Variants in DDX55 observed in about 807,000 individuals in gnomAD.
DDX55 encodes DEAD-box helicase 55, also known as ATP-dependent RNA helicase DDX55.
DDX55 carries 56 observed loss-of-function variants against 69.2 expected under a neutral mutation model. The ratio of observed to expected loss-of-function variants is 0.81; its 90% CI spans 0.65 to 1.01. The LOEUF (loss-of-function observed/expected upper bound fraction) is 1.01. Ranked by LOEUF, DDX55 falls within the 50% of genes least tolerant of loss-of-function variation. The pLI is 0.00. For missense variants in DDX55, 720 were observed against 745.1 expected (o/e 0.97, Z 0.39); for synonymous variants, 268 against 273.1 (o/e 0.98, Z 0.18).
chr12:123,619,679 A>G lies in DDX55; in HGVS notation c.1581A>G (p.Lys527=), dbSNP rs920107848. ...KNKAWSKQKA[K]KEKKKKMNEK... Reference sequence around the variant, plus strand: ...AAGCTTGGTCAAAGCAGAAGGCCAAAAAAGAAAAGAAGAAAAAAATGAATG... The same window carrying G: ...AAGCTTGGTCAAAGCAGAAGGCCAAGAAAGAAAAGAAGAAAAAAATGAATG... The change falls in exon 13 of 14, where the codon AAA becomes AAG. Residue 527 remains lysine, a synonymous_variant. Transcript: ENST00000238146. 25 of 1,580,986 alleles carry G rather than the reference A, an allele frequency of 1.6e-5. No homozygotes were observed. Among genetic ancestry groups the G allele is most frequent in the Non-Finnish European group, 2.0e-5 (23 of 1,172,256 alleles).
At position 123,610,084 on chromosome 12, in the gene DDX55, A is replaced by C. The variant is rs1162052354; in HGVS notation, c.697A>C (p.Ser233Arg). ...AGTGAAGGAGAAGGGCGTGGCAGCC[A>C]GCAGTGCCCAGAAGACCCCCTCCCG... Reference protein sequence around the residue: ...VSVKEKGVAASSAQKTPSRLE... With the variant: ...VSVKEKGVAARSAQKTPSRLE... The change falls in exon 7 of 14, where the codon AGC becomes CGC. Residue 233 changes from serine to arginine, a missense_variant. Coordinates refer to ENST00000238146, the MANE Select transcript of DDX55 (RefSeq NM_020936.3). 6.2e-7 allele frequency: 1 copy of C among 1,614,214 alleles called. No individual in the cohort carries two copies. Among genetic ancestry groups the C allele is most frequent in the Non-Finnish European group, 8.5e-7 (1 of 1,180,042 alleles).
chr12:123,614,221 T>C (rs1189211222), intron 8 of DDX55, among the ~76,000 whole-genome samples: 1 of 152,136 alleles, frequency 6.6e-6, no homozygotes, highest in African/African-American at 2.4e-5. Flanking sequence ...CCCACTAAAT[T>C]GATTTCAGAA....
At chr12:123,608,593 G>A (rs1409514395) in intron 5 of DDX55, 87 bp from the exon 6 acceptor site, 20 of 1,502,120 alleles carry the variant, frequency 1.3e-5, no homozygotes, top group Non-Finnish European at 1.8e-5. Context: ...ATGACTTTGG[G>A]GGGATATAAA....
chr12:123,609,949 A>G lies in DDX55; in HGVS notation c.562A>G (p.Ile188Val), dbSNP rs748267341. The G allele has an allele frequency of 1.2e-6, 2 of 1,613,606 alleles. No homozygotes were observed. The highest frequency in any genetic ancestry group is 1.7e-5 in the Admixed American group (1 of 59,934). The change falls in exon 7 of 14, where the codon ATT becomes GTT. Residue 188 changes from isoleucine to valine, a missense_variant. By Grantham distance (29) the Ile-to-Val change is conservative. Coordinates refer to ENST00000238146, the MANE Select transcript of DDX55 (RefSeq NM_020936.3). ...CCCTCTTTTTATCAGCATCAACACC[A>G]TTCTGGAGTTTTTGCCAAAGCAGAG... ...DMGFEASINTILEFLPKQRRT... is the reference protein window; with the variant it reads ...DMGFEASINTVLEFLPKQRRT...
chr12:123,618,532 T>G, intron 11 of DDX55, 137 bp from the exon 12 acceptor site: 1 of 1,533,324 alleles, frequency 6.5e-7, no homozygotes, highest in South Asian at 1.3e-5. Context: ...GTGAAATATT[T>G]GGGTTGGAGT....
In DDX55 at chr12:123,618,694, A is replaced by G. The variant is rs746695617; in HGVS notation, c.1190A>G (p.Gln397Arg). The change falls in exon 12 of 14, where the codon CAG (glutamine) becomes CGG (arginine). Residue 397 changes from glutamine to arginine, a missense_variant. Transcript: ENST00000238146. ...TGCCCCCTGCAGGAGATGAAGCCCCAGAGAAACACAGCGGACCTTCTGCCA... is the reference window on the plus strand; with the variant it reads ...TGCCCCCTGCAGGAGATGAAGCCCCGGAGAAACACAGCGGACCTTCTGCCA... ...QKCPLQEMKPQRNTADLLPKL... is the reference protein window; with the variant it reads ...QKCPLQEMKPRRNTADLLPKL... 3.5e-5 allele frequency: 57 copies of G among 1,614,060 alleles called. No homozygotes were observed. The highest frequency in any genetic ancestry group is 4.6e-5 in the Non-Finnish European group (54 of 1,180,036).
intron 3 of DDX55, among the ~76,000 whole-genome samples, chr12:123,607,005 C>T (rs1953933118): frequency 6.6e-6 from 1 of 152,178 alleles, no homozygotes; most frequent in Admixed American, 6.5e-5. Flanking sequence ...GCTAGAGAAG[C>T]ACAAGCTAAG....
intron 5 of DDX55, chr12:123,608,363 C>T: frequency 4.3e-6 from 1 of 230,130 alleles, no homozygotes; most frequent in Non-Finnish European, 8.7e-6. Flanking sequence ...AGTGTGAAGG[C>T]AGCGATAGAC....
chr12:123,619,031 C>T (rs1436828245), intron 12 of DDX55, among the ~76,000 whole-genome samples, 194 bp downstream of exon 12: 1 of 152,232 alleles, frequency 6.6e-6, no homozygotes, highest in Non-Finnish European at 1.5e-5. Context: ...GAGACAGAGT[C>T]GCGCTTTGTC....
chr12:123,615,262 GA>G lies in DDX55; in HGVS notation c.905del (p.Lys302ArgfsTer2). 1 of 1,614,164 alleles carries G rather than the reference GA, an allele frequency of 6.2e-7. No homozygotes were observed. Among genetic ancestry groups the G allele is most frequent in the Non-Finnish European group, 8.5e-7 (1 of 1,180,022 alleles). On this transcript the variant is annotated frameshift_variant, in exon 9 of 14. Coordinates refer to ENST00000238146, the MANE Select transcript of DDX55 (RefSeq NM_020936.3). LOFTEE classifies it high-confidence loss of function. The part of the protein sequence containing the change: ...VKGVKIMCIH[G>X]KMKYKRNKIF... ...GGCGTGAAGATTATGTGCATTCACGGAAAGATGAAATATAAACGCAATAAGA... is the reference window on the plus strand; with the variant it reads ...GGCGTGAAGATTATGTGCATTCACGGAAGATGAAATATAAACGCAATAAGA...
chr12:123,618,999 A>C (rs894607061), intron 12 of DDX55, among the ~76,000 whole-genome samples, 162 bp downstream of exon 12: 1 of 152,168 alleles, frequency 6.6e-6, no homozygotes, highest in African/African-American at 2.4e-5. Flanking sequence ...AACTTTGTAA[A>C]AATGTAATTT....
chr12:123,613,303 G>A lies in DDX55; in HGVS notation c.824+51G>A. On this transcript the variant is annotated intron_variant, in intron 8 of 13. Transcript: ENST00000238146. ...GGCATCAGGGATTCAGCCAGAATGT[G>A]CAGGTGCATGCGGCCTTTGGGTTTT... The A allele has an allele frequency of 1.9e-6, 3 of 1,569,170 alleles. 1 individual carries two copies. The South Asian group carries it at 3.3e-5, about 17-fold the overall frequency.
intron 7 of DDX55, among the ~76,000 whole-genome samples, chr12:123,612,798 G>A (rs1403441020): frequency 6.6e-6 from 1 of 151,106 alleles, no homozygotes; most frequent in Non-Finnish European, 1.5e-5. Flanking sequence ...ACCAGTCTGG[G>A]CAACATATTG....
At chr12:123,608,891 A>G in intron 6 of DDX55, 62 bp downstream of exon 6, 1 of 1,441,522 alleles carries the variant, frequency 6.9e-7, no homozygotes, top group Admixed American at 2.4e-5. Context: ...AAAGGGGAGC[A>G]AAATGGAGTT....
chr12:123,604,385 T>C (rs1000219779), intron 1 of DDX55, among the ~76,000 whole-genome samples: 1 of 152,154 alleles, frequency 6.6e-6, no homozygotes, highest in South Asian at 2.1e-4. Context: ...ATCACAAAAA[T>C]TTTTTTTAAA....
chr12:123,602,300 A>C (rs1953610797), intron 1 of DDX55, 44 bp downstream of exon 1: 2 of 1,492,352 alleles, frequency 1.3e-6, no homozygotes. Flanking sequence ...GGAGAGGGGC[A>C]GGCACCCGCT....
rs1953884922 is a variant in DDX55 at position 123,606,245 on chromosome 12, T to C, written c.246+86T>C. ...GAAGCTGGCTACAAATGTGAAAAAA[T>C]AGGCCAGAAGCCGTGGCTCACGCCT... On this transcript the variant is annotated intron_variant, in intron 3 of 13. Coordinates refer to ENST00000238146, the MANE Select transcript of DDX55 (RefSeq NM_020936.3). 6 of 1,514,828 alleles carry C rather than the reference T, an allele frequency of 4.0e-6. No individual in the cohort carries two copies. In the East Asian group the frequency reaches 1.2e-4, roughly 30 times the overall value. The allele number at this position is 1,514,828 out of a possible 1,614,324, so 93.8% of individuals were successfully genotyped here. A position where few individuals can be genotyped will look rare whatever the true frequency, so the allele number is the denominator to read the frequency against.
intron 12 of DDX55, among the ~76,000 whole-genome samples, chr12:123,619,040 T>C (rs1003274366): frequency 9.9e-5 from 15 of 152,266 alleles, no homozygotes; most frequent in Non-Finnish European, 2.1e-4. Flanking sequence ...TCGCGCTTTG[T>C]CACCCAGCCT....
At chr12:123,619,122 C>T (rs549158600) in intron 12 of DDX55, among the ~76,000 whole-genome samples, 2 of 152,372 alleles carry the variant, frequency 1.3e-5, no homozygotes. Context: ...CCTGTCTCAG[C>T]CTCCCGAGTA....
Sources: allele counts gnomAD v4.1 joint callset (sites outside exome capture counted in the v4.1 genomes callset), GRCh38; gene constraint gnomAD v4.1.1; transcripts MANE v1.5; gene names NCBI Gene and HGNC (gene_info 2026-07-23, HGNC 2026-07-21).